KCNH1: variants seen among roughly 807,000 people sequenced by gnomAD.
KCNH1 encodes potassium voltage-gated channel subfamily H member 1.
In KCNH1, 27 loss-of-function variants were observed where a neutral mutation model predicts 69.2. The ratio of observed to expected loss-of-function variants is 0.39; its 90% CI spans 0.29 to 0.54. The LOEUF is 0.54. Among genes scored for constraint, KCNH1 ranks in the 20% least tolerant of loss-of-function variants. KCNH1 has a pLI of 0.68. For missense variants in KCNH1, 798 were observed against 1,261.6 expected, an observed-to-expected ratio of 0.63 and a Z score of 5.57; for synonymous variants, 456 against 487.7, an observed-to-expected ratio of 0.93 and a Z score of 0.86.
intron 9 of KCNH1, among the ~76,000 whole-genome samples, chr1:210,788,394 CATT>C (rs1684143226): frequency 6.6e-6 from 1 of 152,152 alleles, no homozygotes; most frequent in Non-Finnish European, 1.5e-5. Flanking sequence ...TTCTTCATAT[CATT>C]ATCATAACAA....
intron 7 of KCNH1, among the ~76,000 whole-genome samples, chr1:210,875,718 G>T (rs1045589690): frequency 6.6e-6 from 1 of 151,720 alleles, no homozygotes; most frequent in Non-Finnish European, 1.5e-5. Flanking sequence ...TGGGAGGATC[G>T]CTTGAATCCA....
chr1:211,032,165 C>A (rs6688920), intron 5 of KCNH1, among the ~76,000 whole-genome samples: 22,264 of 152,076 alleles, frequency 0.15, 1,893 homozygotes, highest in East Asian at 0.39. Flanking sequence ...TTCACAGTAG[C>A]TTCAAAGAGA....
At chr1:210,909,875 G>A (rs1314865403) in intron 7 of KCNH1, among the ~76,000 whole-genome samples, 3 of 152,210 alleles carry the variant, frequency 2.0e-5, no homozygotes, top group Non-Finnish European at 4.4e-5. Context: ...AGCATCTTCT[G>A]TCTAAACAAA....
chr1:210,913,322 T>C (rs1687272019), intron 7 of KCNH1, among the ~76,000 whole-genome samples: 1 of 152,052 alleles, frequency 6.6e-6, no homozygotes, highest in African/African-American at 2.4e-5. Flanking sequence ...TTAAACAGCA[T>C]TCTCATGCTC....
intron 6 of KCNH1, among the ~76,000 whole-genome samples, chr1:210,954,214 G>A (rs1688119329): frequency 6.6e-6 from 1 of 152,128 alleles, no homozygotes; most frequent in African/African-American, 2.4e-5. Flanking sequence ...CATCGTCCAT[G>A]TCCCAGAAAA....
chr1:211,067,561 T>C (rs76517492), intron 5 of KCNH1, among the ~76,000 whole-genome samples: 2,459 of 152,318 alleles, frequency 0.016, 62 homozygotes, highest in African/African-American at 0.055. Context: ...GTGTTAGCTC[T>C]GTGTCTGCAT....
chr1:210,889,266 G>A (rs1333399633), intron 7 of KCNH1, among the ~76,000 whole-genome samples: 2 of 151,874 alleles, frequency 1.3e-5, no homozygotes, highest in Non-Finnish European at 2.9e-5. Flanking sequence ...AAATAAATAA[G>A]CATAATCCCT....
intron 3 of KCNH1, among the ~76,000 whole-genome samples, chr1:211,091,605 T>A (rs1470600798): frequency 2.0e-5 from 3 of 152,050 alleles, no homozygotes; most frequent in Admixed American, 2.0e-4. Flanking sequence ...AAAAGGAGGA[T>A]TCCAAGCAGG....
At chr1:211,041,956 T>G (rs1307553849) in intron 5 of KCNH1, among the ~76,000 whole-genome samples, 1 of 152,176 alleles carries the variant, frequency 6.6e-6, no homozygotes, top group Non-Finnish European at 1.5e-5. Flanking sequence ...GGTTTCATCA[T>G]GTTGGCCAGG....
At chr1:210,690,002 G>T (rs559639314) in intron 10 of KCNH1, among the ~76,000 whole-genome samples, 1 of 152,126 alleles carries the variant, frequency 6.6e-6, no homozygotes, top group Non-Finnish European at 1.5e-5. Context: ...CATGAGCATG[G>T]CCACACACAC....
intron 5 of KCNH1, among the ~76,000 whole-genome samples, chr1:211,045,491 C>T (rs866561132): frequency 6.6e-6 from 1 of 152,012 alleles, no homozygotes; most frequent in South Asian, 2.1e-4. Flanking sequence ...ATAAAAAGAT[C>T]CAAATAATTA....
At chr1:211,084,125 TG>T (rs1225385147) in intron 4 of KCNH1, among the ~76,000 whole-genome samples, 2 of 152,102 alleles carry the variant, frequency 1.3e-5, no homozygotes, top group Non-Finnish European at 2.9e-5. Flanking sequence ...GGTTTCACTG[TG>T]GGGGGGTCCC....
At chr1:210,926,326 A>G (rs1426437365) in intron 6 of KCNH1, among the ~76,000 whole-genome samples, 1 of 151,926 alleles carries the variant, frequency 6.6e-6, no homozygotes, top group African/African-American at 2.4e-5. Flanking sequence ...CTCCCCTGCT[A>G]CCTCCACTGG....
At chr1:210,696,923 T>C (rs1681654283) in intron 10 of KCNH1, among the ~76,000 whole-genome samples, 1 of 152,246 alleles carries the variant, frequency 6.6e-6, no homozygotes, top group Admixed American at 6.5e-5. Context: ...TGGGTGAAAC[T>C]GTAATGCACA....
rs768186848 is a variant in KCNH1, at chr1:211,132,514, AAGT to A, written c.79+1350_79+1352del. 18 of 152,334 alleles carry A rather than the reference AAGT, an allele frequency of 1.2e-4. No homozygotes were observed. In the East Asian group the frequency reaches 2.5e-3, roughly 21 times the overall value. The allele number at this position is 152,334 out of a possible 1,614,324, so 9.4% of individuals were successfully genotyped here. A position where few individuals can be genotyped will look rare whatever the true frequency, so the allele number is the denominator to read the frequency against. On this transcript the variant is annotated intron_variant, in intron 1 of 10. Coordinates refer to ENST00000271751, the MANE Select transcript of KCNH1 (RefSeq NM_172362.3). The stretch of plus-strand genomic sequence containing the variant: ...AATAAAGAAATGATCATTTCTAAGA[AAGT>A]ACTTAAATAATACGTGATTATTTGC...
chr1:210,805,184 T>C (rs530239114), intron 7 of KCNH1, among the ~76,000 whole-genome samples: 1 of 152,330 alleles, frequency 6.6e-6, no homozygotes, highest in Non-Finnish European at 1.5e-5. Flanking sequence ...TGTGAGTTGC[T>C]TGAAGGCTGA....
intron 7 of KCNH1, chr1:210,918,902 C>T (rs1687401828): frequency 6.6e-6 from 1 of 152,150 alleles, no homozygotes; most frequent in Non-Finnish European, 1.5e-5. Flanking sequence ...AGAAATATTA[C>T]CATTTCAATA....
chr1:210,870,827 T>C (rs1469282462), intron 7 of KCNH1, among the ~76,000 whole-genome samples: 2 of 152,166 alleles, frequency 1.3e-5, no homozygotes, highest in Non-Finnish European at 2.9e-5. Context: ...ATACAATTCA[T>C]AGAAATGAGA....
intron 10 of KCNH1, among the ~76,000 whole-genome samples, chr1:210,714,019 T>A (rs1234837395): frequency 6.6e-6 from 1 of 152,148 alleles, no homozygotes; most frequent in African/African-American, 2.4e-5. Flanking sequence ...TATCGACATT[T>A]TTTTCTAACC....
Sources: allele counts gnomAD v4.1 joint callset (sites outside exome capture counted in the v4.1 genomes callset), GRCh38; gene constraint gnomAD v4.1.1; transcripts MANE v1.5; gene names NCBI Gene and HGNC (gene_info 2026-07-23, HGNC 2026-07-21).